POU2F3: variants seen among roughly 807,000 people sequenced by gnomAD.
POU2F3 encodes the protein POU class 2 homeobox 3.
A neutral mutation model predicts 59.2 loss-of-function variants in POU2F3; 23 were observed. That is an observed-to-expected ratio of 0.39 (90% CI 0.28 to 0.55). The LOEUF (loss-of-function observed/expected upper bound fraction) is 0.55. Among genes scored for constraint, POU2F3 ranks in the 20% least tolerant of loss-of-function variants. The pLI is 0.66. For missense variants in POU2F3, 473 were observed against 544.5 expected (o/e 0.87, Z 1.31); for synonymous variants, 190 against 214.6 (o/e 0.89, Z 1.00).
intron 3 of POU2F3, among the ~76,000 whole-genome samples, chr11:120,281,499 C>A (rs1337815486): frequency 6.6e-6 from 1 of 151,768 alleles, no homozygotes; most frequent in Non-Finnish European, 1.5e-5. Flanking sequence ...GCCTTCATGG[C>A]CCCCATACCC....
chr11:120,316,559 G>A (rs1017619019), intron 11 of POU2F3, among the ~76,000 whole-genome samples: 5 of 152,228 alleles, frequency 3.3e-5, no homozygotes, highest in African/African-American at 1.2e-4. Context: ...CTGAGTAGCT[G>A]AGACTACAGG....
chr11:120,272,950 A>T (rs1404209508), intron 3 of POU2F3, among the ~76,000 whole-genome samples: 1 of 152,158 alleles, frequency 6.6e-6, no homozygotes, highest in Non-Finnish European at 1.5e-5. Flanking sequence ...CTTGGCTGAG[A>T]TGCTGTCTGA....
rs1335653604 is a variant in POU2F3 at position 120,240,153 on chromosome 11, T to C, written c.-191T>C. On this transcript the variant is annotated 5_prime_UTR_variant, in exon 1 of 13. Coordinates refer to ENST00000543440, the MANE Select transcript of POU2F3 (RefSeq NM_014352.4). ...GCTCACCTGGGGAGTGTGGCAATCCTGGCGGCGCCGAGTGTTGCCCGGGCC... is the reference window on the plus strand; with the variant it reads ...GCTCACCTGGGGAGTGTGGCAATCCCGGCGGCGCCGAGTGTTGCCCGGGCC... 6 of 1,201,238 alleles carry C rather than the reference T, an allele frequency of 5.0e-6. No homozygotes were observed. Among genetic ancestry groups the C allele is most frequent in the African/African-American group, 1.6e-5 (1 of 62,876 alleles). The allele number at this position is 1,201,238 out of a possible 1,614,324, so 74.4% of individuals were successfully genotyped here.
chr11:120,255,672 C>T (rs1383962018), intron 2 of POU2F3, among the ~76,000 whole-genome samples: 2 of 152,098 alleles, frequency 1.3e-5, no homozygotes. Context: ...CCCATCTCCA[C>T]GGGACCCTGG....
Position 120,307,593 on chromosome 11 carries a change from C to A in POU2F3, c.884C>A (p.Thr295Asn), listed in dbSNP as rs1591440893. Residue 295 changes from threonine (T) to asparagine (N), a missense_variant, in exon 9 of 13, where the codon ACT becomes AAT. By Grantham distance (65) the Thr-to-Asn change is moderately conservative (BLOSUM62 0). Coordinates refer to ENST00000543440, the MANE Select transcript of POU2F3 (RefSeq NM_014352.4). ...AGCATCGAGACCAACATCCGCCTGA[C>A]TCTGGAGAAGAGGTTTCAAGATGTG... ...RTSIETNIRL[T>N]LEKRFQDNPK... 1 of 1,614,222 alleles carries A rather than the reference C, an allele frequency of 6.2e-7. No homozygotes were observed. Among genetic ancestry groups the A allele is most frequent in the East Asian group, 2.2e-5 (1 of 44,884 alleles).
intron 1 of POU2F3, among the ~76,000 whole-genome samples, chr11:120,242,139 G>A (rs1017098041): frequency 6.6e-6 from 1 of 152,174 alleles, no homozygotes. Context: ...TCCCCCCTCA[G>A]GGCTACCTGG....
intron 1 of POU2F3, among the ~76,000 whole-genome samples, chr11:120,241,700 A>G (rs563625504): frequency 6.6e-6 from 1 of 152,314 alleles, no homozygotes; most frequent in East Asian, 1.9e-4. Context: ...CTCTTCAGAA[A>G]GGTGGGCTTA....
intron 3 of POU2F3, among the ~76,000 whole-genome samples, chr11:120,296,239 G>T (rs185371330): frequency 6.6e-6 from 1 of 152,278 alleles, no homozygotes; most frequent in Admixed American, 6.5e-5. Context: ...CCTCATTGGA[G>T]GCTGTGGAGA....
intron 3 of POU2F3, among the ~76,000 whole-genome samples, chr11:120,297,555 A>C (rs1591430993): frequency 6.6e-6 from 1 of 152,236 alleles, no homozygotes; most frequent in Non-Finnish European, 1.5e-5. Flanking sequence ...CCTCCAGATC[A>C]GTGGTGCCCA....
intron 3 of POU2F3, among the ~76,000 whole-genome samples, chr11:120,283,016 C>T (rs921556877): frequency 6.6e-6 from 1 of 152,168 alleles, no homozygotes; most frequent in Non-Finnish European, 1.5e-5. Context: ...AGCTGTGCTC[C>T]TAGCTCTGGG....
chr11:120,255,922 G>A (rs1939322709), intron 2 of POU2F3: 1 of 152,218 alleles, frequency 6.6e-6, no homozygotes, highest in Non-Finnish European at 1.5e-5. Context: ...GCGAGACTGG[G>A]GAATAATCCC....
At chr11:120,291,591 CAG>C (rs2135264014) in intron 3 of POU2F3, among the ~76,000 whole-genome samples, 1 of 152,352 alleles carries the variant, frequency 6.6e-6, no homozygotes, top group African/African-American at 2.4e-5. Flanking sequence ...ATCACACACA[CAG>C]AGAGTGAGGA....
chr11:120,241,758 G>C (rs115027501), intron 1 of POU2F3, among the ~76,000 whole-genome samples: 5,442 of 152,210 alleles, frequency 0.036, 332 homozygotes, highest in African/African-American at 0.12. Context: ...ACTTCCTGGG[G>C]GTTTTCCACC....
At chr11:120,299,854 C>G (rs1489264711) in intron 5 of POU2F3, 128 bp downstream of exon 5, 4 of 699,880 alleles carry the variant, frequency 5.7e-6, no homozygotes, top group East Asian at 2.8e-5. Flanking sequence ...GCTATTAAGA[C>G]CTACTTATCC....
At chr11:120,308,161 T>A (rs1591441367) in intron 9 of POU2F3, among the ~76,000 whole-genome samples, 1 of 152,328 alleles carries the variant, frequency 6.6e-6, no homozygotes, top group East Asian at 1.9e-4. Context: ...GTTATACACC[T>A]ACGTTTTTTG....
At chr11:120,265,018 A>T (rs1939767911) in intron 2 of POU2F3, among the ~76,000 whole-genome samples, 1 of 152,232 alleles carries the variant, frequency 6.6e-6, no homozygotes, top group Non-Finnish European at 1.5e-5. Context: ...CATTGGGGCC[A>T]CAGCAGAGCC....
Position 120,298,390 on chromosome 11 carries a change from G to T in POU2F3, c.258G>T (p.Gln86His). ...QMSGLNASPC[Q>H]DMASLHPLQQ... ...CTGGGCTAAATGCCAGCCCATGTCAGGTAACACTGTGATTTTCACAGTGGG... is the reference window on the plus strand; with the variant it reads ...CTGGGCTAAATGCCAGCCCATGTCATGTAACACTGTGATTTTCACAGTGGG... The change falls in exon 4 of 13, where the codon CAG becomes CAT. Residue 86 changes from glutamine (Q) to histidine (H), a missense_variant and splice_region_variant. Transcript: ENST00000543440. The T allele has an allele frequency of 6.2e-7, 1 of 1,613,346 alleles. No homozygotes were observed. The highest frequency in any genetic ancestry group is 1.1e-5 in the South Asian group (1 of 90,930).
intron 2 of POU2F3, among the ~76,000 whole-genome samples, chr11:120,248,265 G>A (rs1938951265): frequency 1.3e-5 from 2 of 152,184 alleles, no homozygotes; most frequent in African/African-American, 4.8e-5. Flanking sequence ...GAACGGATGA[G>A]CTTTGAAGAG....
rs1941339514 is a variant in POU2F3, at chr11:120,301,230, G to GA, written c.362-1050dup. 1.6e-5 allele frequency: 6 copies of GA among 371,024 alleles called. 1 individual carries two copies. Among genetic ancestry groups the GA allele is most frequent in the South Asian group, 8.4e-5 (4 of 47,482 alleles). 23.0% of individuals were successfully genotyped at this position (371,024 alleles called of 1,614,324 possible). ...TCTCTGAGCTTCCATTTCCTCTTCTGAAAAAATGGGATAATAGCAAGGCTC... is the reference window on the plus strand; with the variant it reads ...TCTCTGAGCTTCCATTTCCTCTTCTGAAAAAAATGGGATAATAGCAAGGCTC... On this transcript the variant is annotated intron_variant, in intron 5 of 12. Transcript: ENST00000543440.
Sources: gnomAD v4.1 joint callset for allele counts (sites outside exome capture counted in the v4.1 genomes callset) on GRCh38, gnomAD v4.1.1 for gene constraint, MANE v1.5 for transcripts, NCBI Gene and HGNC (gene_info 2026-07-23, HGNC 2026-07-21) for gene names.